Variants in GALNT10 observed in about 807,000 individuals in gnomAD.
GALNT10 encodes polypeptide N-acetylgalactosaminyltransferase 10.
In GALNT10, 41 loss-of-function variants were observed where a neutral mutation model predicts 75.0. That is an observed-to-expected ratio of 0.55 (90% confidence interval 0.43 to 0.71). The LOEUF (loss-of-function observed/expected upper bound fraction) is 0.71. GALNT10 is among the 30% of genes least tolerant of loss of function. The pLI, the probability that GALNT10 is intolerant of heterozygous loss-of-function variation, is 0.00. For synonymous variants in GALNT10, 302 were observed against 313.0 expected (o/e 0.96, Z 0.37); for missense variants, 727 against 818.5 (o/e 0.89, Z 1.36).
rs1774842713 is a variant in GALNT10, at chr5:154,190,765, C to T, written c.-102C>T. ...AGCGGGGCCGGCGCCGCAGCCGCTTCTGCTGGCTGAGCTGCTGCCGCCGCC... is the reference window on the plus strand; with the variant it reads ...AGCGGGGCCGGCGCCGCAGCCGCTTTTGCTGGCTGAGCTGCTGCCGCCGCC... On this transcript the variant is annotated 5_prime_UTR_variant, in exon 1 of 12. Transcript: ENST00000297107. 4.5e-6 allele frequency: 2 copies of T among 441,984 alleles called. No homozygotes were observed. Among genetic ancestry groups the T allele is most frequent in the Non-Finnish European group, 6.0e-6 (2 of 335,120 alleles). 27.4% of individuals were successfully genotyped at this position (441,984 alleles called of 1,614,324 possible).
Position 154,417,199 on chromosome 5 carries a change from A to C in GALNT10, c.*227A>C, listed in dbSNP as rs919072460. On this transcript the variant is annotated 3_prime_UTR_variant, in exon 12 of 12. Coordinates refer to ENST00000297107, the MANE Select transcript of GALNT10 (RefSeq NM_198321.4). ...TCCCACAAGAGGCCCCACAGGGAGC[A>C]GAGACTGCTTTAATCCCTGCTGACA... 1.8e-6 allele frequency: 1 copy of C among 548,338 alleles called. No homozygotes were observed. The highest frequency in any genetic ancestry group is 3.0e-5 in the East Asian group (1 of 33,252). 34.0% of individuals were successfully genotyped at this position (548,338 alleles called of 1,614,324 possible).
chr5:154,270,259 A>G (rs2113035740), intron 1 of GALNT10, among the ~76,000 whole-genome samples: 2 of 149,148 alleles, frequency 1.3e-5, no homozygotes, highest in Middle Eastern at 3.4e-3. Context: ...TGAAGTTGGA[A>G]CAGTAGAGTA....
intron 4 of GALNT10, among the ~76,000 whole-genome samples, chr5:154,355,217 A>G (rs1581989337): frequency 6.6e-6 from 1 of 151,938 alleles, no homozygotes; most frequent in South Asian, 2.1e-4. Flanking sequence ...ACGGGGCCCC[A>G]CCTTCCTGTC....
At chr5:154,395,194 A>G (rs796916654) in intron 7 of GALNT10, among the ~76,000 whole-genome samples, 11 of 152,344 alleles carry the variant, frequency 7.2e-5, no homozygotes, top group African/African-American at 2.6e-4. Flanking sequence ...ATGGGATGAT[A>G]TGTATATTTG....
intron 7 of GALNT10, among the ~76,000 whole-genome samples, chr5:154,399,164 G>C (rs1756107733): frequency 6.6e-6 from 1 of 152,190 alleles, no homozygotes. Context: ...GGGGAGTCAG[G>C]CTGCAGTGTC....
chr5:154,415,720 A>AAT, intron 10 of GALNT10, 63 bp from the exon 11 acceptor site: 1 of 1,471,858 alleles, frequency 6.8e-7, no homozygotes, highest in African/African-American at 1.4e-5. Context: ...AATTTAAAAA[A>AAT]AATGGAGAAA....
intron 4 of GALNT10, among the ~76,000 whole-genome samples, chr5:154,331,604 G>C (rs1754865421): frequency 6.6e-6 from 1 of 152,188 alleles, no homozygotes; most frequent in African/African-American, 2.4e-5. Flanking sequence ...GAACATTAAA[G>C]ATAGACATCT....
intron 1 of GALNT10, among the ~76,000 whole-genome samples, chr5:154,293,948 C>T (rs1288874476): frequency 6.6e-6 from 1 of 152,158 alleles, no homozygotes; most frequent in East Asian, 1.9e-4. Flanking sequence ...AGCCCCTGCC[C>T]TATCCAAGCC....
intron 1 of GALNT10, among the ~76,000 whole-genome samples, chr5:154,233,325 T>G (rs1341295174): frequency 6.6e-6 from 1 of 152,148 alleles, no homozygotes; most frequent in African/African-American, 2.4e-5. Context: ...GGGCTTGTCC[T>G]TTGAGTGCGG....
At chr5:154,256,107 C>T (rs889919244) in intron 1 of GALNT10, among the ~76,000 whole-genome samples, 2 of 152,028 alleles carry the variant, frequency 1.3e-5, no homozygotes, top group Non-Finnish European at 1.5e-5. Flanking sequence ...AAAACAGATC[C>T]TTACAGGGCT....
At chr5:154,246,003 C>T (rs1753416892) in intron 1 of GALNT10, among the ~76,000 whole-genome samples, 1 of 151,752 alleles carries the variant, frequency 6.6e-6, no homozygotes, top group South Asian at 2.1e-4. Flanking sequence ...GTTCCCCTTC[C>T]TGTGTCCATG....
chr5:154,360,958 C>T (rs1434069039), intron 4 of GALNT10, among the ~76,000 whole-genome samples: 1 of 152,164 alleles, frequency 6.6e-6, no homozygotes, highest in Non-Finnish European at 1.5e-5. Context: ...ATTTGATACT[C>T]ACACATACTT....
In GALNT10 at chr5:154,418,973, A is replaced by G. The variant is rs1756575999; in HGVS notation, c.*2001A>G. The G allele has an allele frequency of 6.6e-6, 1 of 152,578 alleles. No homozygotes were observed. The allele number at this position is 152,578 out of a possible 1,614,324, so 9.5% of individuals were successfully genotyped here. ...TCAAAGAGCAATGCAGCGTCGTTAA[A>G]ATAAAAACTGTGCCTTTTAAAAAGA... On this transcript the variant is annotated 3_prime_UTR_variant, in exon 12 of 12. Coordinates refer to ENST00000297107, the MANE Select transcript of GALNT10 (RefSeq NM_198321.4).
chr5:154,263,977 A>G (rs977434790), intron 1 of GALNT10, among the ~76,000 whole-genome samples: 2 of 152,188 alleles, frequency 1.3e-5, no homozygotes, highest in Admixed American at 1.3e-4. Flanking sequence ...ACTGAATTGT[A>G]TGCTTTAAAA....
chr5:154,360,658 C>T (rs903775572), intron 4 of GALNT10, among the ~76,000 whole-genome samples: 1 of 152,162 alleles, frequency 6.6e-6, no homozygotes, highest in East Asian at 1.9e-4. Flanking sequence ...TTCCGAAGTC[C>T]CAACAGTGGT....
intron 1 of GALNT10, among the ~76,000 whole-genome samples, chr5:154,269,406 AT>A (rs1293965895): frequency 5.9e-5 from 9 of 152,182 alleles, no homozygotes; most frequent in Non-Finnish European, 7.3e-5. Context: ...CTATTGATCC[AT>A]TTGGTATTCT....
chr5:154,308,646 A>C lies in GALNT10; in HGVS notation c.401+10567A>C, dbSNP rs1754468416. ...AACTGACGTATCCAGAGCTAACTAG[A>C]TCAGGAACTTTATCTACGGTAACTG... On this transcript the variant is annotated intron_variant, in intron 3 of 11. Transcript: ENST00000297107. Among the ~76,000 whole-genome samples, 4 of 152,262 alleles carry C rather than the reference A, an allele frequency of 2.6e-5. No individual in the cohort carries two copies. The South Asian group carries it at 8.3e-4, about 32-fold the overall frequency.
At chr5:154,253,851 T>C (rs1753567045) in intron 1 of GALNT10, among the ~76,000 whole-genome samples, 1 of 152,044 alleles carries the variant, frequency 6.6e-6, no homozygotes. Flanking sequence ...CCTGCTCAGT[T>C]TGGACTTACC....
At chr5:154,415,646 A>C (rs914002185) in intron 10 of GALNT10, 137 bp from the exon 11 acceptor site, 3 of 853,832 alleles carry the variant, frequency 3.5e-6, no homozygotes, top group African/African-American at 1.7e-5. Context: ...GTAACTTTTA[A>C]AGCTAGGTGG....
Sources: gnomAD v4.1 joint callset for allele counts (sites outside exome capture counted in the v4.1 genomes callset) on GRCh38, gnomAD v4.1.1 for gene constraint, MANE v1.5 for transcripts, NCBI Gene and HGNC (gene_info 2026-07-23, HGNC 2026-07-21) for gene names.